PPP1R35: variants seen among roughly 807,000 people sequenced by gnomAD.
PPP1R35 encodes the protein protein phosphatase 1 regulatory subunit 35.
Under a neutral mutation model 22.2 loss-of-function variants are expected in PPP1R35, and 23 were observed. That is an observed-to-expected ratio of 1.04 (90% CI 0.75 to 1.47). PPP1R35 has a LOEUF of 1.47. PPP1R35 is among the 40% of genes most tolerant of loss of function. The pLI is 0.00. For synonymous variants in PPP1R35, 198 were observed against 165.7 expected (o/e 1.19, Z -1.50); for missense variants, 409 against 349.6 (o/e 1.17, Z -1.36).
chr7:100,436,074 G>GAGGGC lies in PPP1R35; in HGVS notation c.235-15_235-11dup. On this transcript the variant is annotated splice_polypyrimidine_tract_variant and intron_variant, in intron 1 of 3. Transcript: ENST00000292330. ...TCAGGCGGAAGCGGACCTGGGAGCA[G>GAGGGC]AGGGCAGGGCAGTGACCAGGTGGGC... 1.3e-6 allele frequency: 2 copies of GAGGGC among 1,531,824 alleles called. No individual in the cohort carries two copies. Among genetic ancestry groups the GAGGGC allele is most frequent in the Non-Finnish European group, 1.7e-6 (2 of 1,145,406 alleles). The allele number at this position is 1,531,824 out of a possible 1,614,324, so 94.9% of individuals were successfully genotyped here.
Position 100,435,692 on chromosome 7 carries a change from T to G in PPP1R35, c.527A>C (p.Asn176Thr). Residue 176 changes from asparagine to threonine, a missense_variant, in exon 3 of 4, where the codon AAT (asparagine) becomes ACT (threonine). Physicochemically the swap from Asn to Thr is moderately conservative, Grantham distance 65. Transcript: ENST00000292330. ...AGCCAATTTCTCCCTGAGCGCGGCATTCAGAACCTGTTCCTCCGGCACCTG... is the reference window on the plus strand; with the variant it reads ...AGCCAATTTCTCCCTGAGCGCGGCAGTCAGAACCTGTTCCTCCGGCACCTG... ...SLQVPEEQVLNAALREKLALL... is the reference protein window; with the variant it reads ...SLQVPEEQVLTAALREKLALL... 1 of 1,608,334 alleles carries G rather than the reference T, an allele frequency of 6.2e-7. No homozygotes were observed. Among genetic ancestry groups the G allele is most frequent in the Non-Finnish European group, 8.5e-7 (1 of 1,178,532 alleles).
Position 100,435,693 on chromosome 7 carries a change from T to C in PPP1R35, c.526A>G (p.Asn176Asp), listed in dbSNP as rs1798856131. The change falls in exon 3 of 4, where the codon AAT becomes GAT. Residue 176 changes from asparagine (N) to aspartate (D), a missense_variant. Asn to Asp is a conservative substitution (Grantham distance 23). Transcript: ENST00000292330. ...SLQVPEEQVL[N>D]AALREKLALL... Reference sequence around the variant, plus strand: ...GCCAATTTCTCCCTGAGCGCGGCATTCAGAACCTGTTCCTCCGGCACCTGC... The same window carrying C: ...GCCAATTTCTCCCTGAGCGCGGCATCCAGAACCTGTTCCTCCGGCACCTGC... 1.9e-6 allele frequency: 3 copies of C among 1,607,790 alleles called. No individual in the cohort carries two copies. Among genetic ancestry groups the C allele is most frequent in the Non-Finnish European group, 2.5e-6 (3 of 1,178,428 alleles).
Position 100,436,466 on chromosome 7 carries a change from G to A in PPP1R35, c.-92C>T. 4.2e-6 allele frequency: 4 copies of A among 944,568 alleles called. No homozygotes were observed. The highest frequency in any genetic ancestry group is 4.4e-6 in the Non-Finnish European group (3 of 675,214). 58.5% of individuals were successfully genotyped at this position (944,568 alleles called of 1,614,324 possible). A position where few individuals can be genotyped will look rare whatever the true frequency, so the allele number is the denominator to read the frequency against. On this transcript the variant is annotated 5_prime_UTR_variant, in exon 1 of 4. Transcript: ENST00000292330. ...GCCTGGCTGCCGCCTCCTTTCCCCC[G>A]CCCCTCCTAGACGCCGCTACCGGAA...
intron 3 of PPP1R35, 46 bp downstream of exon 3, chr7:100,435,585 G>C: frequency 1.1e-5 from 17 of 1,614,096 alleles, no homozygotes; most frequent in Non-Finnish European, 1.4e-5. Context: ...GGAAGGATCC[G>C]GGTAAGGGGG....
Position 100,435,297 on chromosome 7 carries a change from A to G in PPP1R35, c.*63T>C. On this transcript the variant is annotated 3_prime_UTR_variant, in exon 4 of 4. Coordinates refer to ENST00000292330, the MANE Select transcript of PPP1R35 (RefSeq NM_145030.4). ...AAGAGTCCCATTTATTAGCAAAATTACTTTATTCTAACAAATAGTTTAACA... is the reference window on the plus strand; with the variant it reads ...AAGAGTCCCATTTATTAGCAAAATTGCTTTATTCTAACAAATAGTTTAACA... 1 of 1,511,422 alleles carries G rather than the reference A, an allele frequency of 6.6e-7. No homozygotes were observed. The highest frequency in any genetic ancestry group is 2.3e-5 in the East Asian group (1 of 43,628). 93.6% of individuals were successfully genotyped at this position (1,511,422 alleles called of 1,614,324 possible). A position where few individuals can be genotyped will look rare whatever the true frequency, so the allele number is the denominator to read the frequency against.
In PPP1R35 at chr7:100,435,602, G is replaced by A. The variant is rs370417990; in HGVS notation, c.588+29C>T. ...AAGGATCCGGGTAAGGGGGTACATG[G>A]AGGAAGCCCCACGCCCAGACCCCAT... On this transcript the variant is annotated intron_variant, in intron 3 of 3. Transcript: ENST00000292330. The A allele has an allele frequency of 3.7e-6, 6 of 1,613,898 alleles. No individual in the cohort carries two copies. The African/African-American group carries it at 6.7e-5, about 18-fold the overall frequency.
chr7:100,436,635 G>A (rs1210609372), upstream of PPP1R35: 2 of 363,388 alleles, frequency 5.5e-6, no homozygotes, highest in Middle Eastern at 7.1e-4. Context: ...AAGCCGAAGT[G>A]TTGGAAGCAC....
rs1798882435 is a variant in PPP1R35 at position 100,436,154 on chromosome 7, C to G, written c.221G>C (p.Arg74Pro). The change falls in exon 1 of 4, where the codon CGG (arginine) becomes CCG (proline). Residue 74 changes from arginine (R) to proline (P), a missense_variant. Physicochemically the swap from Arg to Pro is moderately radical, Grantham distance 103. Coordinates refer to ENST00000292330, the MANE Select transcript of PPP1R35 (RefSeq NM_145030.4). The part of the protein sequence containing the change: ...KGRAERRGAA[R>P]QRRQVRFRLT... ...TCCCCCGCTCACCTGCCGCCGCTGC[C>G]GAGCCGCGCCCCGCCGCTCCGCCCG... 1.6e-6 allele frequency: 2 copies of G among 1,251,186 alleles called. No individual in the cohort carries two copies. Among genetic ancestry groups the G allele is most frequent in the Non-Finnish European group, 2.0e-6 (2 of 1,002,314 alleles). The allele number at this position is 1,251,186 out of a possible 1,614,324, so 77.5% of individuals were successfully genotyped here. A position where few individuals can be genotyped will look rare whatever the true frequency, so the allele number is the denominator to read the frequency against.
Position 100,435,365 on chromosome 7 carries a change from C to T in PPP1R35, c.757G>A (p.Ala253Thr), listed in dbSNP as rs1268156195. 4 of 1,596,466 alleles carry T rather than the reference C, an allele frequency of 2.5e-6. No homozygotes were observed. The highest frequency in any genetic ancestry group is 2.3e-5 in the South Asian group (2 of 88,756). ...CCTCCAGGGATCTTTGGGGTCTACG[C>T]TTCCCATCGCCTCAGTGTCCGGTGC... ...LMHRTLRRWE[A>T] is the part of the protein sequence containing the mutation. The change falls in exon 4 of 4, where the codon GCG becomes ACG. Residue 253 changes from alanine (A) to threonine (T), a missense_variant. Physicochemically the swap from Ala to Thr is moderately conservative, Grantham distance 58. Coordinates refer to ENST00000292330, the MANE Select transcript of PPP1R35 (RefSeq NM_145030.4).
intron 1 of PPP1R35, 24 bp from the exon 2 acceptor site, chr7:100,436,088 G>A: frequency 6.7e-7 from 1 of 1,496,412 alleles, no homozygotes; most frequent in Non-Finnish European, 8.8e-7. Flanking sequence ...GCAGGGCAGT[G>A]ACCAGGTGGG....
Position 100,436,179 on chromosome 7 carries a change from G to A in PPP1R35, c.196C>T (p.Arg66Trp). 2 of 1,235,028 alleles carry A rather than the reference G, an allele frequency of 1.6e-6. No homozygotes were observed. The highest frequency in any genetic ancestry group is 2.0e-6 in the Non-Finnish European group (2 of 992,176). 76.5% of individuals were successfully genotyped at this position (1,235,028 alleles called of 1,614,324 possible). A position where few individuals can be genotyped will look rare whatever the true frequency, so the allele number is the denominator to read the frequency against. The stretch of plus-strand genomic sequence containing the variant: ...CGAGCCGCGCCCCGCCGCTCCGCCC[G>A]CCCCTTCCGCCGCCCGGGGCTGCCG... ...RHGSPGRRKG[R>W]AERRGAARQR... Residue 66 changes from arginine to tryptophan, a missense_variant, in exon 1 of 4, where the codon CGG becomes TGG. Arg to Trp is a moderately radical substitution (Grantham distance 101, BLOSUM62 -3). Coordinates refer to ENST00000292330, the MANE Select transcript of PPP1R35 (RefSeq NM_145030.4).
In PPP1R35 at chr7:100,435,550, C is replaced by T; in HGVS notation, c.589-17G>A. ...AGGTGGCTCCTGTTGGGAGGTTGGG[C>T]CCAAAGCAAGGTTACACTTTGGGAG... On this transcript the variant is annotated splice_polypyrimidine_tract_variant and intron_variant, in intron 3 of 3. Coordinates refer to ENST00000292330, the MANE Select transcript of PPP1R35 (RefSeq NM_145030.4). The T allele has an allele frequency of 6.2e-7, 1 of 1,614,158 alleles. No individual in the cohort carries two copies. The highest frequency in any genetic ancestry group is 8.5e-7 in the Non-Finnish European group (1 of 1,180,034).
In PPP1R35 at chr7:100,436,482, G is replaced by T; in HGVS notation, c.-108C>A. The T allele has an allele frequency of 2.5e-6, 2 of 796,714 alleles. No homozygotes were observed. Among genetic ancestry groups the T allele is most frequent in the Non-Finnish European group, 1.8e-6 (1 of 546,810 alleles). The allele number at this position is 796,714 out of a possible 1,614,324, so 49.4% of individuals were successfully genotyped here. ...CTTTCCCCCGCCCCTCCTAGACGCC[G>T]CTACCGGAAACCGTTAACCCTTTCC... On this transcript the variant is annotated 5_prime_UTR_variant, in exon 1 of 4. Transcript: ENST00000292330.
In PPP1R35 at chr7:100,435,528, T is replaced by C. The variant is rs764332027; in HGVS notation, c.594A>G (p.Pro198=). 1.1e-5 allele frequency: 18 copies of C among 1,613,972 alleles called. No homozygotes were observed. The highest frequency in any genetic ancestry group is 1.1e-4 in the East Asian group (5 of 44,878). The change falls in exon 4 of 4, where the codon CCA becomes CCG. Residue 198 remains proline, a synonymous_variant. Transcript: ENST00000292330. Reference sequence around the variant, plus strand: ...TGGTCATGTCTGGCCCAGGCCCAGGTGGCTCCTGTTGGGAGGTTGGGCCCA... The same window carrying C: ...TGGTCATGTCTGGCCCAGGCCCAGGCGGCTCCTGTTGGGAGGTTGGGCCCA... ...PQARAPHPKE[P]PGPGPDMTIL... is the part of the protein sequence containing the mutation.
At position 100,436,413 on chromosome 7, in the gene PPP1R35, G is replaced by A; in HGVS notation, c.-39C>T. The A allele has an allele frequency of 2.1e-6, 3 of 1,428,852 alleles. No individual in the cohort carries two copies. Among genetic ancestry groups the A allele is most frequent in the Admixed American group, 2.3e-5 (1 of 43,246 alleles). The allele number at this position is 1,428,852 out of a possible 1,614,324, so 88.5% of individuals were successfully genotyped here. A position where few individuals can be genotyped will look rare whatever the true frequency, so the allele number is the denominator to read the frequency against. The stretch of plus-strand genomic sequence containing the variant: ...TTGAGGGTGCGGGGATGCGGGGGTC[G>A]CAGACGCTCCAACGGTCAGGGGACA... On this transcript the variant is annotated 5_prime_UTR_variant, in exon 1 of 4. Coordinates refer to ENST00000292330, the MANE Select transcript of PPP1R35 (RefSeq NM_145030.4).
chr7:100,436,628 C>T (rs766412154), upstream of PPP1R35: 1 of 371,470 alleles, frequency 2.7e-6, no homozygotes, highest in Non-Finnish European at 4.8e-6. Flanking sequence ...CGCCCCCAAG[C>T]CGAAGTGTTG....
rs200462349 is a variant in PPP1R35, at chr7:100,435,718, C to G, written c.501G>C (p.Leu167=). ...SKRLFRDLVS[L]QVPEEQVLNA... ...TCAGAACCTGTTCCTCCGGCACCTG[C>G]AGGCTCACCAGGTCCCGGAAGAGCC... The change falls in exon 3 of 4, where the codon CTG becomes CTC. Residue 167 remains leucine (L), a synonymous_variant. Coordinates refer to ENST00000292330, the MANE Select transcript of PPP1R35 (RefSeq NM_145030.4). The G allele has an allele frequency of 8.3e-5, 133 of 1,603,126 alleles. 1 individual carries two copies. Among genetic ancestry groups the G allele is most frequent in the Admixed American group, 6.2e-4 (36 of 58,308 alleles).
chr7:100,436,644 A>G (rs754035555), upstream of PPP1R35: 4 of 348,604 alleles, frequency 1.1e-5, no homozygotes, highest in East Asian at 4.3e-5. Flanking sequence ...TGTTGGAAGC[A>G]CTCACAGCCT....
chr7:100,435,480 T>C lies in PPP1R35; in HGVS notation c.642A>G (p.Leu214=), dbSNP rs775022306. The change falls in exon 4 of 4, where the codon CTA becomes CTG. Residue 214 remains leucine, a synonymous_variant. Coordinates refer to ENST00000292330, the MANE Select transcript of PPP1R35 (RefSeq NM_145030.4). ...DMTILCDPET[L]FYESPHLTLD... ...GGGTCAGGTGTGGAGATTCATAAAA[T>C]AGCGTTTCTGGGTCACACAAGATGG... 91 of 1,613,782 alleles carry C rather than the reference T, an allele frequency of 5.6e-5. No homozygotes were observed. The highest frequency in any genetic ancestry group is 7.3e-5 in the Non-Finnish European group (86 of 1,179,950).
Sources: gnomAD v4.1 joint callset for allele counts on GRCh38, gnomAD v4.1.1 for gene constraint, MANE v1.5 for transcripts, NCBI Gene and HGNC (gene_info 2026-07-23, HGNC 2026-07-21) for gene names.